The following HEATR3 variants were observed in gnomAD, a reference collection of about 807,000 sequenced individuals.
HEATR3 encodes HEAT repeat-containing protein 3.
Under a neutral mutation model 72.8 loss-of-function variants are expected in HEATR3, and 56 were observed. The observed-to-expected ratio is 0.77, with a 90% confidence interval of 0.62 to 0.96. HEATR3 has a LOEUF of 0.96. HEATR3 is among the 40% of genes least tolerant of loss of function. HEATR3 has a pLI of 0.00. For missense variants in HEATR3, 747 were observed against 831.4 expected (o/e 0.90, Z 1.25); for synonymous variants, 331 against 318.1 (o/e 1.04, Z -0.43).
At chr16:50,084,515 T>C in intron 9 of HEATR3, 54 bp from the exon 10 acceptor site, 16 of 1,273,352 alleles carry the variant, frequency 1.3e-5, no homozygotes, top group Non-Finnish European at 1.8e-5. Context: ...TGTAAGGGAA[T>C]CGTGTTAAAT....
chr16:50,066,335 C>T (rs1464368370), intron 1 of HEATR3, 32 bp from the exon 2 acceptor site: 4 of 1,559,030 alleles, frequency 2.6e-6, no homozygotes, highest in East Asian at 2.3e-5. Context: ...GCGCATTGCG[C>T]GCCTTCTGAC....
chr16:50,070,353 T>C lies in HEATR3; in HGVS notation c.512+63T>C, dbSNP rs887368764. 6.3e-6 allele frequency: 5 copies of C among 796,728 alleles called. No homozygotes were observed. The African/African-American group carries it at 6.9e-5, about 11-fold the overall frequency. 49.4% of individuals were successfully genotyped at this position (796,728 alleles called of 1,614,324 possible). ...GTACCCAGGCTGCTATTCTCTGTTA[T>C]ACTGTGTAGGAATCTCTGTTCCCCT... On this transcript the variant is annotated intron_variant, in intron 4 of 14. Transcript: ENST00000299192.
In HEATR3 at chr16:50,105,633, C is replaced by G. The variant is rs547083865; in HGVS notation, c.*572C>G. ...TGCTGCGATCTTGGCTTACTGCAACCTCTGCCATTCCAGGTTCAAGCGATT... is the reference window on the plus strand; with the variant it reads ...TGCTGCGATCTTGGCTTACTGCAACGTCTGCCATTCCAGGTTCAAGCGATT... On this transcript the variant is annotated 3_prime_UTR_variant, in exon 15 of 15. Transcript: ENST00000299192. 6.6e-6 allele frequency: 1 copy of G among 152,128 alleles called. No homozygotes were observed. Among genetic ancestry groups the G allele is most frequent in the Non-Finnish European group, 1.5e-5 (1 of 68,090 alleles). The allele number at this position is 152,128 out of a possible 1,614,324, so 9.4% of individuals were successfully genotyped here.
intron 12 of HEATR3, chr16:50,098,296 T>C (rs2037289437): frequency 6.6e-6 from 1 of 152,164 alleles, no homozygotes; most frequent in Admixed American, 6.5e-5. Context: ...TATCAGGACT[T>C]ATTAACATTA....
intron 7 of HEATR3, among the ~76,000 whole-genome samples, chr16:50,083,018 C>G (rs976098024): frequency 6.6e-6 from 1 of 152,118 alleles, no homozygotes; most frequent in Non-Finnish European, 1.5e-5. Flanking sequence ...ACCTGTAGCC[C>G]TAGCTACTCA....
chr16:50,102,914 C>A (rs1291658121), intron 14 of HEATR3, among the ~76,000 whole-genome samples: 2 of 152,032 alleles, frequency 1.3e-5, no homozygotes, highest in African/African-American at 2.4e-5. Context: ...AGGTGTCCAC[C>A]ACATCACCCA....
At chr16:50,090,151 T>G (rs2037077023) in intron 11 of HEATR3, among the ~76,000 whole-genome samples, 1 of 152,092 alleles carries the variant, frequency 6.6e-6, no homozygotes, top group Admixed American at 6.5e-5. Context: ...GCCCAAGAGT[T>G]TAAGACCAGC....
chr16:50,088,782 G>A (rs1420093212), intron 11 of HEATR3, among the ~76,000 whole-genome samples: 2 of 152,100 alleles, frequency 1.3e-5, no homozygotes, highest in Non-Finnish European at 2.9e-5. Context: ...AGCCAGGCAG[G>A]GAGTCCACAG....
At chr16:50,075,333 A>G (rs2036701049) in intron 5 of HEATR3, among the ~76,000 whole-genome samples, 1 of 144,186 alleles carries the variant, frequency 6.9e-6, no homozygotes, top group Non-Finnish European at 1.5e-5. Flanking sequence ...AAAAAAAAGT[A>G]TAGATCTGTA....
At chr16:50,068,910 C>T (rs1168124033) in intron 3 of HEATR3, 43 bp downstream of exon 3, 1 of 1,413,760 alleles carries the variant, frequency 7.1e-7, no homozygotes, top group South Asian at 1.2e-5. Flanking sequence ...TTTTGGGATG[C>T]AAACTTAGAC....
intron 6 of HEATR3, among the ~76,000 whole-genome samples, chr16:50,077,554 T>C (rs1237088012): frequency 6.6e-6 from 1 of 152,214 alleles, no homozygotes; most frequent in East Asian, 1.9e-4. Flanking sequence ...AAACTGAAAC[T>C]GTACCCTTTA....
rs377355744 is a variant in HEATR3, at chr16:50,079,001, G to A, written c.1024G>A (p.Val342Ile). 73 of 1,611,662 alleles carry A rather than the reference G, an allele frequency of 4.5e-5. No homozygotes were observed. The highest frequency in any genetic ancestry group is 1.6e-4 in the African/African-American group (12 of 74,756). ...HKRRVRRKTF[V>I]SDLLPPTDKE... ...AAGAAGAGTCAGAAGGAAAACTTTC[G>A]TTTCAGATTTACTTCCGGTAAGTCA... Residue 342 changes from valine to isoleucine, a missense_variant, in exon 7 of 15, where the codon GTT (valine) becomes ATT (isoleucine). Coordinates refer to ENST00000299192, the MANE Select transcript of HEATR3 (RefSeq NM_182922.4).
chr16:50,079,107 A>G, intron 7 of HEATR3, 89 bp downstream of exon 7: 1 of 1,289,852 alleles, frequency 7.8e-7, no homozygotes, highest in Non-Finnish European at 1.1e-6. Flanking sequence ...AAAATGTTAT[A>G]GCAAAATTAG....
chr16:50,085,107 TAA>T (rs964057252), intron 10 of HEATR3, among the ~76,000 whole-genome samples: 1 of 145,108 alleles, frequency 6.9e-6, no homozygotes, highest in African/African-American at 2.5e-5. Context: ...ATAAACCTAT[TAA>T]AAAAAAAAAG....
rs1461586061 is a variant in HEATR3, at chr16:50,078,938, T to G, written c.961T>G (p.Leu321Val). ...EILENTNGDDLIEDDEMEGIS... is the reference protein window; with the variant it reads ...EILENTNGDDVIEDDEMEGIS... ...ATTAGAGAACACTAATGGGGATGAT[T>G]TGATTGAAGATGATGAAATGGAAGG... The change falls in exon 7 of 15, where the codon TTG (leucine) becomes GTG (valine). Residue 321 changes from leucine to valine, a missense_variant. This residue lies in a region of HEATR3 where 586 missense variants were observed against 708.8 expected (regional missense o/e 0.83). Coordinates refer to ENST00000299192, the MANE Select transcript of HEATR3 (RefSeq NM_182922.4). 1.2e-6 allele frequency: 2 copies of G among 1,614,050 alleles called. No homozygotes were observed. Among genetic ancestry groups the G allele is most frequent in the Admixed American group, 1.7e-5 (1 of 60,012 alleles).
intron 13 of HEATR3, among the ~76,000 whole-genome samples, chr16:50,101,858 G>T (rs2037373245): frequency 6.6e-6 from 1 of 152,126 alleles, no homozygotes; most frequent in African/African-American, 2.4e-5. Context: ...GAACTTACAG[G>T]TGTGAGCCAC....
At chr16:50,074,426 G>A (rs1300355150) in intron 5 of HEATR3, 1 of 149,544 alleles carries the variant, frequency 6.7e-6, no homozygotes, top group Non-Finnish European at 1.5e-5. Flanking sequence ...TACAACCTCC[G>A]CCTCCCGGGT....
intron 7 of HEATR3, among the ~76,000 whole-genome samples, chr16:50,083,352 G>C (rs570335158): frequency 1.1e-4 from 16 of 151,642 alleles, no homozygotes; most frequent in African/African-American, 3.9e-4. Context: ...TATATTTTCA[G>C]AGAAAAAAAA....
At chr16:50,090,177 A>G (rs1278732850) in intron 11 of HEATR3, among the ~76,000 whole-genome samples, 1 of 152,088 alleles carries the variant, frequency 6.6e-6, no homozygotes, top group Non-Finnish European at 1.5e-5. Context: ...CAACATAGTG[A>G]TACCCTGTCT....
Sources: allele counts gnomAD v4.1 joint callset (sites outside exome capture counted in the v4.1 genomes callset), GRCh38; gene constraint gnomAD v4.1.1; regional missense constraint gnomAD v4.1.1; transcripts MANE v1.5; gene names NCBI Gene and HGNC (gene_info 2026-07-23, HGNC 2026-07-21).